Variants in CEP128 observed in about 807,000 individuals in gnomAD.
The protein encoded by CEP128 is centrosomal protein 128, also known as centrosomal protein 128kDa.
In CEP128, 132 loss-of-function variants were observed where a neutral mutation model predicts 156.7. The observed-to-expected ratio is 0.84, with a 90% confidence interval of 0.73 to 0.97. The LOEUF is 0.97. Among genes scored for constraint, CEP128 ranks in the 50% least tolerant of loss-of-function variants. CEP128 has a pLI of 0.00. For missense variants in CEP128, 1,252 were observed against 1,281.9 expected, an observed-to-expected ratio of 0.98 and a Z score of 0.36; for synonymous variants, 469 against 448.9, an observed-to-expected ratio of 1.04 and a Z score of -0.57.
intron 24 of CEP128, among the ~76,000 whole-genome samples, chr14:80,501,948 C>G (rs770527196): frequency 6.6e-6 from 1 of 152,098 alleles, no homozygotes; most frequent in Non-Finnish European, 1.5e-5. Flanking sequence ...ACACACCTGT[C>G]GCCATTTTCC....
At chr14:80,771,638 A>G (rs545659331) in intron 16 of CEP128, among the ~76,000 whole-genome samples, 2 of 152,196 alleles carry the variant, frequency 1.3e-5, no homozygotes, top group African/African-American at 2.4e-5. Context: ...ATCAATTGCT[A>G]TAGCCTTAGA....
chr14:80,835,539 C>A (rs765608129), intron 12 of CEP128, among the ~76,000 whole-genome samples: 4 of 152,090 alleles, frequency 2.6e-5, no homozygotes, highest in Non-Finnish European at 5.9e-5. Context: ...TGGGATAATA[C>A]AGAAGCTGAG....
chr14:80,841,217 T>G (rs1886334903), intron 9 of CEP128, among the ~76,000 whole-genome samples: 1 of 152,180 alleles, frequency 6.6e-6, no homozygotes, highest in African/African-American at 2.4e-5. Flanking sequence ...TCTTTCATAA[T>G]ATCTGAAATG....
intron 9 of CEP128, among the ~76,000 whole-genome samples, chr14:80,841,638 AATT>A (rs977256403): frequency 2.0e-5 from 3 of 152,016 alleles, no homozygotes; most frequent in Non-Finnish European, 4.4e-5. Context: ...TGATTCTATG[AATT>A]ATTATTATTC....
chr14:80,789,484 G>A (rs1901591400), intron 14 of CEP128, among the ~76,000 whole-genome samples: 1 of 152,130 alleles, frequency 6.6e-6, no homozygotes, highest in African/African-American at 2.4e-5. Flanking sequence ...ACTTCAGTAG[G>A]TTGCAGACTT....
At chr14:80,821,108 C>G (rs1262810014) in intron 13 of CEP128, among the ~76,000 whole-genome samples, 12 of 152,106 alleles carry the variant, frequency 7.9e-5, no homozygotes, top group Admixed American at 7.9e-4. Flanking sequence ...ATAATTTGTA[C>G]TATTTGAACA....
chr14:80,509,347 G>A (rs1888137757), intron 23 of CEP128, among the ~76,000 whole-genome samples: 1 of 152,168 alleles, frequency 6.6e-6, no homozygotes, highest in African/African-American at 2.4e-5. Context: ...CACTTTAACT[G>A]AGGTGAGATG....
intron 19 of CEP128, among the ~76,000 whole-genome samples, chr14:80,663,343 T>C (rs1215676251): frequency 6.6e-6 from 1 of 152,172 alleles, no homozygotes; most frequent in Non-Finnish European, 1.5e-5. Flanking sequence ...GCAAAACTGA[T>C]GTCAACGGGA....
At chr14:80,803,326 A>T (rs1883982688) in intron 13 of CEP128, among the ~76,000 whole-genome samples, 1 of 150,134 alleles carries the variant, frequency 6.7e-6, no homozygotes, top group African/African-American at 2.5e-5. Flanking sequence ...GGAAGAAATG[A>T]TACTTTCTTC....
chr14:80,788,377 A>C (rs1360928357), intron 14 of CEP128, among the ~76,000 whole-genome samples: 1 of 148,122 alleles, frequency 6.8e-6, no homozygotes, highest in Non-Finnish European at 1.5e-5. Context: ...ACTTTTCCAA[A>C]CCTAAGGGGT....
intron 21 of CEP128, among the ~76,000 whole-genome samples, chr14:80,549,847 G>A (rs1287021230): frequency 2.0e-5 from 3 of 152,002 alleles, no homozygotes; most frequent in Admixed American, 6.5e-5. Flanking sequence ...TTAGATCCAG[G>A]GTAAAAAGGA....
intron 16 of CEP128, 67 bp from the exon 17 acceptor site, chr14:80,761,680 A>G (rs185160947): frequency 2.6e-6 from 3 of 1,171,246 alleles, no homozygotes; most frequent in East Asian, 2.4e-5. Flanking sequence ...TACTTGTAAT[A>G]TCTGTTCAAC....
intron 19 of CEP128, among the ~76,000 whole-genome samples, chr14:80,599,749 A>C (rs1892503895): frequency 6.6e-6 from 1 of 152,158 alleles, no homozygotes; most frequent in African/African-American, 2.4e-5. Flanking sequence ...AAATATGTAC[A>C]AAAAAACCTA....
chr14:80,488,448 C>G (rs1292185879), downstream of CEP128, among the ~76,000 whole-genome samples: 2 of 150,912 alleles, frequency 1.3e-5, no homozygotes, highest in East Asian at 4.0e-4. Flanking sequence ...CATCTCACAC[C>G]AGTTAGAATG....
intron 8 of CEP128, among the ~76,000 whole-genome samples, chr14:80,892,176 T>C (rs1162951958): frequency 6.6e-6 from 1 of 151,898 alleles, no homozygotes; most frequent in Non-Finnish European, 1.5e-5. Flanking sequence ...AAAGCTATAG[T>C]AATCAAAACA....
intron 19 of CEP128, among the ~76,000 whole-genome samples, chr14:80,656,831 C>A (rs1895193119): frequency 1.3e-5 from 2 of 152,138 alleles, no homozygotes; most frequent in South Asian, 2.1e-4. Flanking sequence ...AACTAAGTCA[C>A]CTGTACAGAC....
chr14:80,835,636 A>G (rs1466832875), intron 12 of CEP128, among the ~76,000 whole-genome samples: 1 of 152,210 alleles, frequency 6.6e-6, no homozygotes, highest in Non-Finnish European at 1.5e-5. Context: ...ATTAAATTCC[A>G]TAATTTAAAT....
intron 19 of CEP128, among the ~76,000 whole-genome samples, chr14:80,706,798 G>A (rs779143096): frequency 5.3e-5 from 8 of 152,006 alleles, no homozygotes; most frequent in African/African-American, 1.7e-4. Flanking sequence ...TATTGTCCCT[G>A]TGGCTCTGTT....
At chr14:80,551,928 A>G (rs574494517) in intron 21 of CEP128, among the ~76,000 whole-genome samples, 2 of 152,298 alleles carry the variant, frequency 1.3e-5, no homozygotes, top group Admixed American at 6.5e-5. Flanking sequence ...GCAGGCACAA[A>G]AATCTTAAAT....
Sources: allele counts gnomAD v4.1 joint callset (sites outside exome capture counted in the v4.1 genomes callset), GRCh38; gene constraint gnomAD v4.1.1; transcripts MANE v1.5; gene names NCBI Gene and HGNC (gene_info 2026-07-23, HGNC 2026-07-21).